WDR6: variants seen among roughly 807,000 people sequenced by gnomAD.
WDR6 encodes the protein tRNA (34-2'-O)-methyltransferase regulator WDR6.
Under a neutral mutation model 85.6 loss-of-function variants are expected in WDR6, and 58 were observed. The ratio of observed to expected loss-of-function variants is 0.68; its 90% CI spans 0.55 to 0.84. The LOEUF (loss-of-function observed/expected upper bound fraction) is 0.84. WDR6 is among the 40% of genes least tolerant of loss of function. WDR6 has a pLI of 0.00. For missense variants in WDR6, 1,310 were observed against 1,476.4 expected (o/e 0.89, Z 1.85); for synonymous variants, 569 against 582.2 (o/e 0.98, Z 0.33).
Position 49,008,861 on chromosome 3 carries a change from CTG to C in WDR6, c.100+1342_100+1343del, listed in dbSNP as rs561367211. ...AAGTGACTTTTATATAGCTACAATT[CTG>C]TGTGTGTGTGTTTTTTGTTTGTTTG... On this transcript the variant is annotated intron_variant, in intron 1 of 5. Transcript: ENST00000608424. 163 of 152,738 alleles carry C rather than the reference CTG, an allele frequency of 1.1e-3. 5 individuals carry two copies. The South Asian group carries it at 0.031, about 29-fold the overall frequency. 9.5% of individuals were successfully genotyped at this position (152,738 alleles called of 1,614,324 possible).
At position 49,015,322 on chromosome 3, in the gene WDR6, G is replaced by A. The variant is rs773034797; in HGVS notation, c.*34G>A. 1 of 1,595,274 alleles carries A rather than the reference G, an allele frequency of 6.3e-7. No homozygotes were observed. The highest frequency in any genetic ancestry group is 8.5e-7 in the Non-Finnish European group (1 of 1,174,114). On this transcript the variant is annotated 3_prime_UTR_variant, in exon 6 of 6. Coordinates refer to ENST00000608424, the MANE Select transcript of WDR6 (RefSeq NM_018031.6). ...GCGGTGGCTGGCGTGCTGGGCATGG[G>A]GCCTGCTCACAGACAGCATGGAGCA...
chr3:49,007,712 G>C lies in WDR6; in HGVS notation c.100+181G>C, dbSNP rs2092990998. The C allele has an allele frequency of 1.5e-6, 2 of 1,304,866 alleles. No homozygotes were observed. The highest frequency in any genetic ancestry group is 3.0e-5 in the African/African-American group (2 of 66,112). The allele number at this position is 1,304,866 out of a possible 1,614,324, so 80.8% of individuals were successfully genotyped here. On this transcript the variant is annotated intron_variant, in intron 1 of 5. Transcript: ENST00000608424. The surrounding 1 kb of genome is among the most constrained non-coding windows in gnomAD (Gnocchi z 5.1). ...GGACGAGGGCCAACCTGAAGAGGGC[G>C]GGGCCCGAGAGACAAAGCTGATGTG...
At chr3:49,011,329 TG>T in intron 1 of WDR6, 3 of 750,732 alleles carry the variant, frequency 4.0e-6, no homozygotes, top group Non-Finnish European at 3.9e-6. Context: ...TTCATCCGCC[TG>T]GGCTTCCCAA....
Position 49,013,804 on chromosome 3 carries a change from T to G in WDR6, c.2270T>G (p.Leu757Arg). ...SEDTTVCVLA[L>R]PTTTGSAHAL... ...GACACTACTGTCTGTGTCCTAGCAC[T>G]CCCTACAACCACAGGCTCAGCCCAC... is the stretch of plus-strand genomic sequence containing the variant. The change falls in exon 2 of 6, where the codon CTC (leucine) becomes CGC (arginine). Residue 757 changes from leucine to arginine, a missense_variant. Physicochemically the swap from Leu to Arg is moderately radical, Grantham distance 102 (BLOSUM62 -2). Coordinates refer to ENST00000608424, the MANE Select transcript of WDR6 (RefSeq NM_018031.6). This position sits in a 1 kb window ranked among gnomAD's most constrained non-coding sequence, Gnocchi z 4.6. The G allele has an allele frequency of 6.2e-7, 1 of 1,614,080 alleles. No homozygotes were observed. The highest frequency in any genetic ancestry group is 8.5e-7 in the Non-Finnish European group (1 of 1,179,992).
In WDR6 at chr3:49,014,937, ATCCC is replaced by A. The variant is rs1165537046; in HGVS notation, c.3019_3022del (p.Leu1007MetfsTer12). On this transcript the variant is annotated frameshift_variant, in exon 6 of 6. Coordinates refer to ENST00000608424, the MANE Select transcript of WDR6 (RefSeq NM_018031.6). LOFTEE classifies it high-confidence loss of function. This position sits in a 1 kb window ranked among gnomAD's most constrained non-coding sequence, Gnocchi z 4.9. ...TCGTGGCCAGTGGCAGTGAAGATGG[ATCCC>A]TCCATGTCTTCGTGCTTGCTGTGGA... is the stretch of plus-strand genomic sequence containing the variant. The A allele has an allele frequency of 6.2e-6, 10 of 1,614,110 alleles. No homozygotes were observed. The highest frequency in any genetic ancestry group is 8.5e-6 in the Non-Finnish European group (10 of 1,180,008).
In WDR6 at chr3:49,015,259, G is replaced by A; in HGVS notation, c.3337G>A (p.Gly1113Arg). Residue 1113 changes from glycine to arginine, a missense_variant, in exon 6 of 6, where the codon GGG becomes AGG. Gly to Arg is a moderately radical substitution (Grantham distance 125, BLOSUM62 -2). Coordinates refer to ENST00000608424, the MANE Select transcript of WDR6 (RefSeq NM_018031.6). ...CCACCGTTGTGCCCTTGGGGGTCAG[G>A]GGCTTGAGGTTTACAACTGGTATGA... Reference protein sequence around the residue: ...FGHRCALGGQGLEVYNWYD With the variant: ...FGHRCALGGQRLEVYNWYD 6.2e-7 allele frequency: 1 copy of A among 1,612,156 alleles called. No homozygotes were observed. Among genetic ancestry groups the A allele is most frequent in the Non-Finnish European group, 8.5e-7 (1 of 1,180,008 alleles).
rs754563795 is a variant in WDR6 at position 49,013,236 on chromosome 3, G to A, written c.1702G>A (p.Gly568Arg). Residue 568 changes from glycine (G) to arginine (R), a missense_variant, in exon 2 of 6, where the codon GGG (glycine) becomes AGG (arginine). Transcript: ENST00000608424. The surrounding 1 kb of genome is among the most constrained non-coding windows in gnomAD (Gnocchi z 4.6). ...AGTGTCTACCCTGCCCTCTCTGCAC[G>A]GGAAGCAGGGTGTGACCTCAGTCAC... ...GPVSTLPSLH[G>R]KQGVTSVTCH... 3.5e-5 allele frequency: 57 copies of A among 1,613,880 alleles called. No individual in the cohort carries two copies. The highest frequency in any genetic ancestry group is 4.5e-5 in the East Asian group (2 of 44,888).
Position 49,011,962 on chromosome 3 carries a change from C to T in WDR6, c.428C>T (p.Pro143Leu), listed in dbSNP as rs62262473. 1.2e-6 allele frequency: 2 copies of T among 1,614,184 alleles called. No individual in the cohort carries two copies. The highest frequency in any genetic ancestry group is 1.7e-6 in the Non-Finnish European group (2 of 1,180,030). Residue 143 changes from proline (P) to leucine (L), a missense_variant, in exon 2 of 6, where the codon CCT becomes CTT. Physicochemically the swap from Pro to Leu is moderately conservative, Grantham distance 98. Coordinates refer to ENST00000608424, the MANE Select transcript of WDR6 (RefSeq NM_018031.6). ...CACAACTCAGTGGTGCTATATGACCCTGTAGTAGGGTGCATCCTGCAAGAG... is the reference window on the plus strand; with the variant it reads ...CACAACTCAGTGGTGCTATATGACCTTGTAGTAGGGTGCATCCTGCAAGAG... ...LGHNSVVLYD[P>L]VVGCILQEVP...
rs1221152036 is a variant in WDR6, at chr3:49,013,032, C to CT, written c.1499dup (p.Pro501ThrfsTer4). 6.2e-7 allele frequency: 1 copy of CT among 1,612,828 alleles called. No homozygotes were observed. Among genetic ancestry groups the CT allele is most frequent in the Non-Finnish European group, 8.5e-7 (1 of 1,179,134 alleles). On this transcript the variant is annotated frameshift_variant, in exon 2 of 6. Transcript: ENST00000608424. LOFTEE classifies it high-confidence loss of function. The surrounding 1 kb of genome is among the most constrained non-coding windows in gnomAD (Gnocchi z 4.6). ...GAGATGGCACACATGCAGTGCCTTCCTACCCCCAGGTGACTTCCTGGTGTG... is the reference window on the plus strand; with the variant it reads ...GAGATGGCACACATGCAGTGCCTTCCTTACCCCCAGGTGACTTCCTGGTGTG...
Position 49,014,042 on chromosome 3 carries a change from G to T in WDR6, c.2508G>T (p.Ser836=). Residue 836 remains serine (S), a synonymous_variant, in exon 2 of 6, where the codon TCG becomes TCT. Coordinates refer to ENST00000608424, the MANE Select transcript of WDR6 (RefSeq NM_018031.6). The surrounding 1 kb of genome is among the most constrained non-coding windows in gnomAD (Gnocchi z 4.9). The stretch of plus-strand genomic sequence containing the variant: ...TCGCCTGCCATGTCATGCACCTTTC[G>T]TCCCACCGGCTAGATGAGTATTGGG... ...SRLACHVMHL[S]SHRLDEYWDR... is the part of the protein sequence containing the mutation. 6.2e-7 allele frequency: 1 copy of T among 1,612,546 alleles called. No homozygotes were observed. Among genetic ancestry groups the T allele is most frequent in the Non-Finnish European group, 8.5e-7 (1 of 1,180,006 alleles).
Position 49,014,143 on chromosome 3 carries a change from G to GGTAT in WDR6, c.2582+29_2582+32dup. ...TAATATATGCTCCTGGGCAGGGTGT[G>GGTAT]GTATGGGTCATGCAGATGCTCCCAG... On this transcript the variant is annotated intron_variant, in intron 2 of 5. Coordinates refer to ENST00000608424, the MANE Select transcript of WDR6 (RefSeq NM_018031.6). This position sits in a 1 kb window ranked among gnomAD's most constrained non-coding sequence, Gnocchi z 4.9. The GGTAT allele has an allele frequency of 1.9e-6, 3 of 1,614,040 alleles. No homozygotes were observed. Among genetic ancestry groups the GGTAT allele is most frequent in the Non-Finnish European group, 2.5e-6 (3 of 1,179,938 alleles).
Position 49,013,047 on chromosome 3 carries a change from T to G in WDR6, c.1513T>G (p.Phe505Val). Reference protein sequence around the residue: ...TCSAFLPPGDFLVCGDRRGSV... With the variant: ...TCSAFLPPGDVLVCGDRRGSV... ...CAGTGCCTTCCTACCCCCAGGTGAC[T>G]TCCTGGTGTGTGGTGACCGCCGGGG... is the stretch of plus-strand genomic sequence containing the variant. Residue 505 changes from phenylalanine to valine, a missense_variant, in exon 2 of 6, where the codon TTC (phenylalanine) becomes GTC (valine). Transcript: ENST00000608424. The surrounding 1 kb of genome is among the most constrained non-coding windows in gnomAD (Gnocchi z 4.6). The G allele has an allele frequency of 6.2e-7, 1 of 1,612,312 alleles. No individual in the cohort carries two copies. The highest frequency in any genetic ancestry group is 1.1e-5 in the South Asian group (1 of 90,968).
At position 49,012,501 on chromosome 3, in the gene WDR6, C is replaced by A; in HGVS notation, c.967C>A (p.Arg323=). Residue 323 remains arginine (R), a synonymous_variant, in exon 2 of 6, where the codon CGG becomes AGG. Transcript: ENST00000608424. The surrounding 1 kb of genome is among the most constrained non-coding windows in gnomAD (Gnocchi z 4.4). ...CACTGGGGGTGATGACTCAGGCATTCGGCTGTGGCACTTGGTAGGGCGTGG... is the reference window on the plus strand; with the variant it reads ...CACTGGGGGTGATGACTCAGGCATTAGGCTGTGGCACTTGGTAGGGCGTGG... ...VITGGDDSGI[R]LWHLVGRGYR... is the part of the protein sequence containing the mutation. 6.2e-7 allele frequency: 1 copy of A among 1,614,012 alleles called. No homozygotes were observed. Among genetic ancestry groups the A allele is most frequent in the Non-Finnish European group, 8.5e-7 (1 of 1,180,020 alleles).
At position 49,007,520 on chromosome 3, in the gene WDR6, G is replaced by A; in HGVS notation, c.89G>A (p.Arg30Gln). The A allele has an allele frequency of 6.3e-7, 1 of 1,596,278 alleles. No homozygotes were observed. The highest frequency in any genetic ancestry group is 1.1e-5 in the South Asian group (1 of 90,378). The change falls in exon 1 of 6, where the codon CGG (arginine) becomes CAG (glutamine). Residue 30 changes from arginine (R) to glutamine (Q), a missense_variant. Arg to Gln is a conservative substitution (Grantham distance 43). Coordinates refer to ENST00000608424, the MANE Select transcript of WDR6 (RefSeq NM_018031.6). The surrounding 1 kb of genome is among the most constrained non-coding windows in gnomAD (Gnocchi z 5.1). ...PVTGLECVGD[R>Q]LLAGEGPDVL... ...ACGGGTCTGGAGTGCGTGGGGGACCGGCTGTTGGCGGGTGAGGCTTGGCTT... is the reference window on the plus strand; with the variant it reads ...ACGGGTCTGGAGTGCGTGGGGGACCAGCTGTTGGCGGGTGAGGCTTGGCTT...
In WDR6 at chr3:49,014,459, A is replaced by G; in HGVS notation, c.2743A>G (p.Lys915Glu). 1.2e-6 allele frequency: 2 copies of G among 1,614,036 alleles called. No homozygotes were observed. The highest frequency in any genetic ancestry group is 1.7e-6 in the Non-Finnish European group (2 of 1,179,980). ...ETFHHKRCVL[K>E]VHSFTHEAPN... Reference sequence around the variant, plus strand: ...CTTCCACCATAAGCGATGTGTCCTCAAGGTCCACTCCTTTACACACGAGGC... The same window carrying G: ...CTTCCACCATAAGCGATGTGTCCTCGAGGTCCACTCCTTTACACACGAGGC... Residue 915 changes from lysine to glutamate, a missense_variant, in exon 4 of 6, where the codon AAG becomes GAG. By Grantham distance (56) the Lys-to-Glu change is moderately conservative. Transcript: ENST00000608424. The surrounding 1 kb of genome is among the most constrained non-coding windows in gnomAD (Gnocchi z 4.9).
rs2092993164 is a variant in WDR6, at chr3:49,007,953, A to AGGCGGAGGC, written c.100+426_100+434dup. 1 of 145,672 alleles carries AGGCGGAGGC rather than the reference A, an allele frequency of 6.9e-6. No individual in the cohort carries two copies. Among genetic ancestry groups the AGGCGGAGGC allele is most frequent in the African/African-American group, 2.8e-5 (1 of 35,738 alleles). 9.0% of individuals were successfully genotyped at this position (145,672 alleles called of 1,614,324 possible). ...GGGCGGAGGGAGGAGGAGGAGGAGG[A>AGGCGGAGGC]GGCGGAGGCGGCCCCGGCCCCTCAG... On this transcript the variant is annotated intron_variant, in intron 1 of 5. Coordinates refer to ENST00000608424, the MANE Select transcript of WDR6 (RefSeq NM_018031.6). The surrounding 1 kb of genome is among the most constrained non-coding windows in gnomAD (Gnocchi z 5.1).
rs1246554178 is a variant in WDR6 at position 49,007,750 on chromosome 3, C to T, written c.100+219C>T. On this transcript the variant is annotated intron_variant, in intron 1 of 5. Transcript: ENST00000608424. The surrounding 1 kb of genome is among the most constrained non-coding windows in gnomAD (Gnocchi z 5.1). ...CAAAGCTGATGTGGCCGCCGCGGCG[C>T]TTCATAAACTTCAGCCCGCGTGGAA... 4 of 1,219,114 alleles carry T rather than the reference C, an allele frequency of 3.3e-6. No individual in the cohort carries two copies. The highest frequency in any genetic ancestry group is 6.3e-5 in the East Asian group (2 of 31,920). The allele number at this position is 1,219,114 out of a possible 1,614,324, so 75.5% of individuals were successfully genotyped here.
intron 1 of WDR6, chr3:49,008,145 G>T (rs2092995053): frequency 1.3e-5 from 2 of 152,544 alleles, no homozygotes; most frequent in Admixed American, 1.3e-4. Context: ...CGGTGCCCGG[G>T]GAAGCAGGGG....
chr3:49,014,085 C>T lies in WDR6; in HGVS notation c.2551C>T (p.His851Tyr). Residue 851 changes from histidine to tyrosine, a missense_variant, in exon 2 of 6, where the codon CAT becomes TAT. By Grantham distance (83) the His-to-Tyr change is moderately conservative. Coordinates refer to ENST00000608424, the MANE Select transcript of WDR6 (RefSeq NM_018031.6). The surrounding 1 kb of genome is among the most constrained non-coding windows in gnomAD (Gnocchi z 4.9). ...DEYWDRQRNR[H>Y]RMVKVDPETR... ...GTATTGGGACCGGCAACGCAATCGG[C>T]ATCGGATGGTTAAGGTAGACCCAGA... 6.2e-7 allele frequency: 1 copy of T among 1,613,490 alleles called. No individual in the cohort carries two copies. The highest frequency in any genetic ancestry group is 8.5e-7 in the Non-Finnish European group (1 of 1,179,858).
Sources: gnomAD v4.1 joint callset for allele counts on GRCh38, gnomAD v4.1.1 for gene constraint, Gnocchi (gnomAD v3.1) non-coding constraint, MANE v1.5 for transcripts, NCBI Gene and HGNC (gene_info 2026-07-23, HGNC 2026-07-21) for gene names.